The following MED13 variants were observed in gnomAD, a reference collection of about 807,000 sequenced individuals.
The protein encoded by MED13 is mediator complex subunit 13.
A neutral mutation model predicts 225.2 loss-of-function variants in MED13; 23 were observed. The ratio of observed to expected loss-of-function variants is 0.10; its 90% CI spans 0.07 to 0.14. MED13 has a LOEUF of 0.14. MED13 is among the 10% of genes least tolerant of loss of function. The pLI, the probability that MED13 is intolerant of heterozygous loss-of-function variation, is 1.00. For missense variants in MED13, 2,197 were observed against 2,594.5 expected, an observed-to-expected ratio of 0.85 and a Z score of 3.33; for synonymous variants, 942 against 889.2, an observed-to-expected ratio of 1.06 and a Z score of -1.06.
intron 8 of MED13, among the ~76,000 whole-genome samples, chr17:62,015,193 G>A (rs1220154105): frequency 6.6e-6 from 1 of 152,108 alleles, no homozygotes; most frequent in African/African-American, 2.4e-5. Context: ...TCTGGACAAG[G>A]TATCATAATA....
chr17:61,986,625 T>C (rs2080250364), intron 12 of MED13, among the ~76,000 whole-genome samples: 1 of 152,212 alleles, frequency 6.6e-6, no homozygotes, highest in Non-Finnish European at 1.5e-5. Context: ...GCAAATAACT[T>C]TAATGTCAAT....
chr17:61,978,015 A>G (rs1490816751), intron 16 of MED13, among the ~76,000 whole-genome samples: 1 of 152,208 alleles, frequency 6.6e-6, no homozygotes, highest in African/African-American at 2.4e-5. Flanking sequence ...ATACCAGGTA[A>G]AGCTCAATAT....
intron 8 of MED13, among the ~76,000 whole-genome samples, chr17:62,013,082 C>T (rs555142738): frequency 5.3e-5 from 8 of 152,136 alleles, no homozygotes; most frequent in East Asian, 1.9e-4. Context: ...TGAGCCACTG[C>T]GCCCGGCCGA....
At chr17:61,970,796 G>C (rs1435990968) in intron 17 of MED13, among the ~76,000 whole-genome samples, 1 of 139,136 alleles carries the variant, frequency 7.2e-6, no homozygotes, top group Non-Finnish European at 1.5e-5. Flanking sequence ...AGGGTGAGTT[G>C]GGCAGATCAC....
At chr17:61,991,453 C>T (rs187435649) in intron 11 of MED13, among the ~76,000 whole-genome samples, 3 of 152,132 alleles carry the variant, frequency 2.0e-5, no homozygotes, top group Admixed American at 1.3e-4. Flanking sequence ...GATTCTGCTG[C>T]CTCAGCCTCC....
intron 2 of MED13, among the ~76,000 whole-genome samples, chr17:62,055,736 T>A (rs1200163683): frequency 6.6e-6 from 1 of 151,580 alleles, no homozygotes; most frequent in Non-Finnish European, 1.5e-5. Flanking sequence ...GGCAGGAGAA[T>A]CACTTGAACT....
intron 8 of MED13, among the ~76,000 whole-genome samples, chr17:62,027,343 C>T (rs967449111): frequency 1.1e-4 from 17 of 152,138 alleles, no homozygotes; most frequent in Non-Finnish European, 2.2e-4. Context: ...GAAAGGACTC[C>T]CTATTCAATA....
chr17:62,028,740 G>C (rs1378149179), intron 8 of MED13, among the ~76,000 whole-genome samples: 1 of 151,914 alleles, frequency 6.6e-6, no homozygotes, highest in East Asian at 1.9e-4. Context: ...AGCTACTTGG[G>C]AGGCTGAGGC....
chr17:61,964,286 C>A (rs2080034048), intron 20 of MED13, among the ~76,000 whole-genome samples: 1 of 152,176 alleles, frequency 6.6e-6, no homozygotes, highest in Admixed American at 6.5e-5. Context: ...AAATATTCAA[C>A]ACTAGGCCGG....
chr17:62,015,644 G>A (rs1262571644), intron 8 of MED13, among the ~76,000 whole-genome samples: 4 of 150,464 alleles, frequency 2.7e-5, no homozygotes, highest in Admixed American at 6.7e-5. Context: ...CGTGATCTCC[G>A]CTCACTGTAA....
chr17:61,960,313 G>C (rs2143338696), intron 23 of MED13, among the ~76,000 whole-genome samples: 1 of 151,484 alleles, frequency 6.6e-6, no homozygotes, highest in East Asian at 1.9e-4. Flanking sequence ...TTGTCACTCA[G>C]GCTGGAATGC....
chr17:62,001,802 A>C (rs1293050735), intron 9 of MED13, among the ~76,000 whole-genome samples: 6 of 152,206 alleles, frequency 3.9e-5, no homozygotes, highest in African/African-American at 1.4e-4. Flanking sequence ...GAGTAAATTT[A>C]TTTTATACAC....
chr17:62,032,686 T>C (rs2080768036), intron 5 of MED13, among the ~76,000 whole-genome samples: 1 of 152,172 alleles, frequency 6.6e-6, no homozygotes, highest in African/African-American at 2.4e-5. Context: ...AATGTAAGCA[T>C]GTGATATAAG....
chr17:62,030,745 A>T (rs1421702117), intron 6 of MED13: 1 of 152,142 alleles, frequency 6.6e-6, no homozygotes, highest in African/African-American at 2.4e-5. Flanking sequence ...TTTTGTTTTA[A>T]AGGTAGATGG....
In MED13 at chr17:62,058,621, C is replaced by T. The variant is rs189710094; in HGVS notation, c.301+4446G>A. Among the ~76,000 whole-genome samples the T allele has an allele frequency of 1.1e-4, 16 of 152,088 alleles. No homozygotes were observed. In the East Asian group the frequency reaches 2.7e-3, roughly 26 times the overall value. On this transcript the variant is annotated intron_variant, in intron 2 of 29. Coordinates refer to ENST00000397786, the MANE Select transcript of MED13 (RefSeq NM_005121.3). The stretch of plus-strand genomic sequence containing the variant: ...TTTTTGTATCAAAACATATCGACCC[C>T]GATTCAACTAATCATTATCCTATAG...
chr17:61,990,239 A>G lies in MED13; in HGVS notation c.2263+2301T>C, dbSNP rs2080283893. 2.6e-5 allele frequency among the ~76,000 whole-genome samples: 4 copies of G among 152,274 alleles called. No individual in the cohort carries two copies. In the South Asian group the frequency reaches 8.3e-4, roughly 32 times the overall value. On this transcript the variant is annotated intron_variant, in intron 11 of 29. Coordinates refer to ENST00000397786, the MANE Select transcript of MED13 (RefSeq NM_005121.3). ...ACCCACACGCACAAAAAAGGTATGT[A>G]AGGTAATGCATATGTTAAACAGCTT...
chr17:62,009,786 GT>G (rs1417859446), intron 9 of MED13, among the ~76,000 whole-genome samples: 1 of 152,140 alleles, frequency 6.6e-6, no homozygotes, highest in Non-Finnish European at 1.5e-5. Flanking sequence ...AATGGAAAAT[GT>G]TAGGGTGAAA....
intron 11 of MED13, among the ~76,000 whole-genome samples, chr17:61,989,014 C>CT (rs544084944): frequency 0.012 from 1,652 of 141,648 alleles, 27 homozygotes; most frequent in African/African-American, 0.034. Context: ...ATGAATCCAG[C>CT]TTTTTTTTTT....
chr17:62,043,665 C>T (rs2080874766), intron 3 of MED13, among the ~76,000 whole-genome samples: 2 of 152,152 alleles, frequency 1.3e-5, no homozygotes, highest in South Asian at 2.1e-4. Flanking sequence ...ACACATATAA[C>T]TATTGGTGAC....
Sources: gnomAD v4.1 joint callset for allele counts (sites outside exome capture counted in the v4.1 genomes callset) on GRCh38, gnomAD v4.1.1 for gene constraint, MANE v1.5 for transcripts, NCBI Gene and HGNC (gene_info 2026-07-23, HGNC 2026-07-21) for gene names.